RANBP10: variants seen among roughly 807,000 people sequenced by gnomAD.
The protein encoded by RANBP10 is ran-binding protein 10.
A neutral mutation model predicts 72.8 loss-of-function variants in RANBP10; 24 were observed. The observed-to-expected ratio is 0.33, with a 90% CI of 0.24 to 0.46. The LOEUF (loss-of-function observed/expected upper bound fraction) is 0.46. Among genes scored for constraint, RANBP10 ranks in the 20% least tolerant of loss-of-function variants. RANBP10 has a pLI of 1.00. For synonymous variants in RANBP10, 310 were observed against 322.3 expected (o/e 0.96, Z 0.41); for missense variants, 679 against 817.5 (o/e 0.83, Z 2.07).
intron 2 of RANBP10, among the ~76,000 whole-genome samples, chr16:67,796,167 C>T (rs868761406): frequency 6.6e-6 from 1 of 152,060 alleles, no homozygotes; most frequent in African/African-American, 2.4e-5. Context: ...CCGCCTGCCT[C>T]GGCCTCCCAA....
intron 7 of RANBP10, chr16:67,731,169 AG>A: frequency 3.0e-6 from 1 of 333,888 alleles, no homozygotes. Flanking sequence ...TCCAGGATTC[AG>A]GGGGAAGGAA....
At chr16:67,753,227 T>C (rs1458419914) in intron 3 of RANBP10, among the ~76,000 whole-genome samples, 18 of 144,230 alleles carry the variant, frequency 1.2e-4, no homozygotes, top group Non-Finnish European at 1.8e-4. Flanking sequence ...AAAAAAAGGC[T>C]GTGTGCAGCG....
intron 3 of RANBP10, among the ~76,000 whole-genome samples, chr16:67,748,107 G>A (rs1386836633): frequency 6.6e-6 from 1 of 151,930 alleles, no homozygotes; most frequent in African/African-American, 2.4e-5. Context: ...TTACAGGCGT[G>A]AGCCACTGCG....
chr16:67,761,316 AC>A (rs2054391451), intron 3 of RANBP10, among the ~76,000 whole-genome samples: 1 of 152,112 alleles, frequency 6.6e-6, no homozygotes, highest in African/African-American at 2.4e-5. Context: ...TCCAAGCAAG[AC>A]CCCAGGGTGT....
chr16:67,753,245 C>G (rs1029451276), intron 3 of RANBP10, among the ~76,000 whole-genome samples: 2 of 151,692 alleles, frequency 1.3e-5, no homozygotes, highest in South Asian at 4.2e-4. Context: ...GCGGCTTATG[C>G]CTGCAATCCC....
At chr16:67,761,787 T>C (rs2054399974) in intron 3 of RANBP10, among the ~76,000 whole-genome samples, 1 of 152,192 alleles carries the variant, frequency 6.6e-6, no homozygotes, top group Non-Finnish European at 1.5e-5. Flanking sequence ...GCCAGACTGG[T>C]CTCGAACTCC....
At chr16:67,773,551 T>C (rs1490374063) in intron 2 of RANBP10, among the ~76,000 whole-genome samples, 1 of 152,124 alleles carries the variant, frequency 6.6e-6, no homozygotes, top group Non-Finnish European at 1.5e-5. Context: ...CAGCCTCTAC[T>C]ACCAAAATAA....
chr16:67,802,507 G>A (rs1054773922), intron 2 of RANBP10, among the ~76,000 whole-genome samples: 11 of 152,194 alleles, frequency 7.2e-5, no homozygotes, highest in Non-Finnish European at 1.0e-4. Context: ...GCGTGGTGGC[G>A]TATGCCTGTA....
chr16:67,757,252 G>A (rs1469309106), intron 3 of RANBP10, among the ~76,000 whole-genome samples: 1 of 152,142 alleles, frequency 6.6e-6, no homozygotes, highest in Non-Finnish European at 1.5e-5. Flanking sequence ...CACTTCACAT[G>A]TTCTGCTCCC....
chr16:67,771,517 T>C (rs2054607572), intron 3 of RANBP10, among the ~76,000 whole-genome samples: 1 of 152,026 alleles, frequency 6.6e-6, no homozygotes, highest in Admixed American at 6.6e-5. Context: ...GACTAATTTT[T>C]TATTTTTAGT....
chr16:67,765,751 G>C (rs1055251237), intron 3 of RANBP10, among the ~76,000 whole-genome samples: 1 of 152,032 alleles, frequency 6.6e-6, no homozygotes, highest in South Asian at 2.1e-4. Flanking sequence ...CAGGAGAATG[G>C]CGTGAACCCA....
At chr16:67,794,937 AAAAAAAAAC>A (rs1567715016) in intron 2 of RANBP10, among the ~76,000 whole-genome samples, 3 of 148,594 alleles carry the variant, frequency 2.0e-5, no homozygotes, top group African/African-American at 7.4e-5. Context: ...AATTAAAAAA[AAAAAAAAAC>A]AAAAAAAAAA....
intron 3 of RANBP10, among the ~76,000 whole-genome samples, chr16:67,770,135 G>A (rs1597884482): frequency 6.6e-6 from 1 of 152,068 alleles, no homozygotes; most frequent in Non-Finnish European, 1.5e-5. Flanking sequence ...AAAGTTGAAA[G>A]AGCACACCTA....
At chr16:67,757,331 C>T (rs1047081832) in intron 3 of RANBP10, among the ~76,000 whole-genome samples, 2 of 152,198 alleles carry the variant, frequency 1.3e-5, no homozygotes, top group Non-Finnish European at 2.9e-5. Context: ...TGGCCACCGA[C>T]GGCAGCCCCA....
chr16:67,764,307 G>A (rs1290927783), intron 3 of RANBP10, among the ~76,000 whole-genome samples: 2 of 152,166 alleles, frequency 1.3e-5, no homozygotes, highest in African/African-American at 2.4e-5. Flanking sequence ...AGCAGCGGCT[G>A]GGCAGGCCAA....
intron 2 of RANBP10, among the ~76,000 whole-genome samples, chr16:67,803,867 A>G (rs914748125): frequency 2.0e-5 from 3 of 150,850 alleles, no homozygotes; most frequent in African/African-American, 7.3e-5. Flanking sequence ...AGAGAGAGAA[A>G]GATACAGCAG....
intron 3 of RANBP10, among the ~76,000 whole-genome samples, chr16:67,744,736 C>A (rs1309599767): frequency 6.6e-6 from 1 of 152,210 alleles, no homozygotes; most frequent in Non-Finnish European, 1.5e-5. Context: ...GAGGGTGGTA[C>A]AACAAGGAGG....
At chr16:67,738,101 G>A in intron 4 of RANBP10, 66 bp from the exon 5 acceptor site, 3 of 1,482,176 alleles carry the variant, frequency 2.0e-6, no homozygotes, top group Non-Finnish European at 2.7e-6. Flanking sequence ...GCACCCCATG[G>A]TGGAGCCAGT....
At chr16:67,798,235 C>T (rs1021488450) in intron 2 of RANBP10, among the ~76,000 whole-genome samples, 1 of 152,124 alleles carries the variant, frequency 6.6e-6, no homozygotes, top group African/African-American at 2.4e-5. Flanking sequence ...CCTGTACCTA[C>T]CTTGGGCAAG....
Sources: allele counts gnomAD v4.1 joint callset (sites outside exome capture counted in the v4.1 genomes callset), GRCh38; gene constraint gnomAD v4.1.1; transcripts MANE v1.5; gene names NCBI Gene and HGNC (gene_info 2026-07-23, HGNC 2026-07-21).